Variants in PHF3 observed in about 807,000 individuals in gnomAD.
The protein encoded by PHF3 is PHD finger protein 3.
In PHF3, 41 loss-of-function variants were observed where a neutral mutation model predicts 178.4. The ratio of observed to expected loss-of-function variants is 0.23; its 90% confidence interval spans 0.18 to 0.30. The LOEUF is 0.30. PHF3 is among the 10% of genes least tolerant of loss of function. PHF3 has a pLI of 1.00. For synonymous variants in PHF3, 842 were observed against 800.5 expected, an observed-to-expected ratio of 1.05 and a Z score of -0.88; for missense variants, 2,346 against 2,398.1, an observed-to-expected ratio of 0.98 and a Z score of 0.45.
intron 2 of PHF3, among the ~76,000 whole-genome samples, chr6:63,679,187 C>T (rs1286057714): frequency 6.6e-6 from 1 of 151,234 alleles, no homozygotes. Context: ...AGATTTCATA[C>T]AACTGCACAT....
chr6:63,713,527 G>A lies in PHF3; in HGVS notation c.5939G>A (p.Gly1980Glu), dbSNP rs1484530391. Residue 1980 changes from glycine to glutamate, a missense_variant, in exon 16 of 16, where the codon GGA becomes GAA. By Grantham distance (98) the Gly-to-Glu change is moderately conservative. Transcript: ENST00000262043. ...ERARLSHGDR[G>E]TDGKASRDSR... ...GCACGGTTATCACATGGTGATCGAG[G>A]AACAGATGGAAAAGCAAGCAGAGAT... The A allele has an allele frequency of 3.1e-6, 5 of 1,613,620 alleles. No homozygotes were observed. Among genetic ancestry groups the A allele is most frequent in the Non-Finnish European group, 4.2e-6 (5 of 1,179,878 alleles).
chr6:63,697,394 TAAA>T (rs1323901967), intron 6 of PHF3, among the ~76,000 whole-genome samples: 1 of 152,170 alleles, frequency 6.6e-6, no homozygotes. Flanking sequence ...ATAGATATCT[TAAA>T]AAGTGGGAGA....
At chr6:63,692,123 CTT>C in intron 5 of PHF3, 80 bp downstream of exon 5, 1 of 996,696 alleles carries the variant, frequency 1.0e-6, no homozygotes, top group Non-Finnish European at 1.4e-6. Context: ...TGAAATTTCT[CTT>C]TAGAAGTTTT....
At position 63,711,640 on chromosome 6, in the gene PHF3, T is replaced by C. The variant is rs1417979057; in HGVS notation, c.4052T>C (p.Leu1351Pro). 1 of 1,604,628 alleles carries C rather than the reference T, an allele frequency of 6.2e-7. No individual in the cohort carries two copies. Among genetic ancestry groups the C allele is most frequent in the African/African-American group, 1.3e-5 (1 of 74,192 alleles). ...LLLGLIIRQK[L>P]KRQHSACAST... ...TTGGGCTTAATTATTCGTCAGAAAC[T>C]GAAGCGACAGCACAGTGCCTGTGCT... Residue 1351 changes from leucine to proline, a missense_variant, in exon 16 of 16, where the codon CTG (leucine) becomes CCG (proline). Physicochemically the swap from Leu to Pro is moderately conservative, Grantham distance 98 (BLOSUM62 -3). Around this residue, in one of 8 missense-constraint regions of PHF3, gnomAD observed 90 missense variants for 136.6 expected, o/e 0.66. Coordinates refer to ENST00000262043, the MANE Select transcript of PHF3 (RefSeq NM_001370348.2).
At chr6:63,675,953 C>T (rs141858968) in intron 2 of PHF3, among the ~76,000 whole-genome samples, 5 of 152,292 alleles carry the variant, frequency 3.3e-5, no homozygotes, top group Non-Finnish European at 7.4e-5. Flanking sequence ...CTCCTTTATT[C>T]GTTCTTTGTG....
chr6:63,701,820 C>T (rs546003935), intron 9 of PHF3, among the ~76,000 whole-genome samples: 102 of 152,226 alleles, frequency 6.7e-4, no homozygotes, highest in African/African-American at 2.4e-3. Flanking sequence ...AAACTGGCTG[C>T]GAGTAACATC....
At position 63,635,961 on chromosome 6, in the gene PHF3, C is replaced by T. The variant is rs752029181; in HGVS notation, c.-215C>T. 21 of 397,994 alleles carry T rather than the reference C, an allele frequency of 5.3e-5. No homozygotes were observed. The highest frequency in any genetic ancestry group is 8.9e-5 in the Non-Finnish European group (20 of 225,746). The allele number at this position is 397,994 out of a possible 1,614,324, so 24.7% of individuals were successfully genotyped here. A position where few individuals can be genotyped will look rare whatever the true frequency, so the allele number is the denominator to read the frequency against. ...GAGGATTAGGAGGGCGGCGCGGAAG[C>T]CAAGAATAGTGTCGTCAGCAGCAGC... On this transcript the variant is annotated 5_prime_UTR_variant, in exon 1 of 16. Transcript: ENST00000262043.
chr6:63,683,468 T>G (rs1423554350), intron 3 of PHF3, among the ~76,000 whole-genome samples: 1 of 152,146 alleles, frequency 6.6e-6, no homozygotes, highest in Non-Finnish European at 1.5e-5. Context: ...ATTTTCATAC[T>G]TTCCTTATGA....
At chr6:63,682,423 T>C (rs1429187867) in intron 3 of PHF3, among the ~76,000 whole-genome samples, 1 of 152,142 alleles carries the variant, frequency 6.6e-6, no homozygotes, top group Non-Finnish European at 1.5e-5. Flanking sequence ...AATCATCTCT[T>C]GTTTGGTTTC....
At chr6:63,702,265 T>C (rs1054466763) in intron 9 of PHF3, 15 of 217,356 alleles carry the variant, frequency 6.9e-5, no homozygotes, top group East Asian at 3.5e-4. Context: ...CCTCCTGATA[T>C]AAATGTACAT....
intron 12 of PHF3, among the ~76,000 whole-genome samples, chr6:63,706,475 G>A (rs1767697500): frequency 6.6e-6 from 1 of 152,124 alleles, no homozygotes; most frequent in Admixed American, 6.5e-5. Flanking sequence ...CCAAAAGTCA[G>A]GGATAGATTA....
intron 8 of PHF3, 150 bp from the exon 9 acceptor site, chr6:63,700,200 G>A (rs930920116): frequency 1.1e-5 from 5 of 452,304 alleles, no homozygotes; most frequent in Admixed American, 3.9e-5. Flanking sequence ...ACACAAAGCT[G>A]TCATTTAATC....
Position 63,721,299 on chromosome 6 carries a change from T to C in PHF3, c.*7591T>C. ...ATTATTCAAACAGGACACAGACTGG[T>C]TACATGTATTTCCAGCCCAATCTGG... On this transcript the variant is annotated 3_prime_UTR_variant, in exon 16 of 16. Transcript: ENST00000262043. The C allele has an allele frequency of 1.9e-6, 3 of 1,551,948 alleles. No individual in the cohort carries two copies. The highest frequency in any genetic ancestry group is 1.2e-5 in the South Asian group (1 of 84,060).
rs1766358098 is a variant in PHF3, at chr6:63,680,018, T to C, written c.263T>C (p.Ile88Thr). The C allele has an allele frequency of 1.2e-6, 2 of 1,610,822 alleles. No individual in the cohort carries two copies. Among genetic ancestry groups the C allele is most frequent in the Non-Finnish European group, 8.5e-7 (1 of 1,178,562 alleles). The change falls in exon 3 of 16, where the codon ATT becomes ACT. Residue 88 changes from isoleucine (I) to threonine (T), a missense_variant. Coordinates refer to ENST00000262043, the MANE Select transcript of PHF3 (RefSeq NM_001370348.2). Reference sequence around the variant, plus strand: ...TTTCTAGTTGTTGGTCTTGACGATATTATGGATGAAGGAGTTGTTAAAGAA... The same window carrying C: ...TTTCTAGTTGTTGGTCTTGACGATACTATGGATGAAGGAGTTGTTAAAGAA... Reference protein sequence around the residue: ...PCSTVVGLDDIMDEGVVKESG... With the variant: ...PCSTVVGLDDTMDEGVVKESG...
In PHF3 at chr6:63,712,685, A is replaced by G; in HGVS notation, c.5097A>G (p.Glu1699=). The G allele has an allele frequency of 2.5e-6, 4 of 1,613,962 alleles. No individual in the cohort carries two copies. Among genetic ancestry groups the G allele is most frequent in the Non-Finnish European group, 3.4e-6 (4 of 1,179,948 alleles). ...EHLTEQINVE[E]KLCSAEKNSC... is the part of the protein sequence containing the mutation. ...TAACAGAACAAATCAATGTAGAGGA[A>G]AAGTTGTGTTCTGCAGAGAAAAACT... Residue 1699 remains glutamate, a synonymous_variant, in exon 16 of 16, where the codon GAA becomes GAG. Coordinates refer to ENST00000262043, the MANE Select transcript of PHF3 (RefSeq NM_001370348.2).
intron 12 of PHF3, 123 bp downstream of exon 12, chr6:63,706,347 C>A: frequency 6.0e-6 from 4 of 669,236 alleles, no homozygotes; most frequent in African/African-American, 5.4e-5. Flanking sequence ...AATAACTGTA[C>A]TTTCCTGTAC....
intron 8 of PHF3, 91 bp downstream of exon 8, chr6:63,698,696 A>T (rs1313358498): frequency 2.3e-6 from 2 of 878,488 alleles, no homozygotes; most frequent in Admixed American, 6.1e-5. Flanking sequence ...ATAATTTATT[A>T]ATTGGAGTGA....
chr6:63,678,241 A>AG (rs1183525200), intron 2 of PHF3, among the ~76,000 whole-genome samples: 4 of 151,788 alleles, frequency 2.6e-5, no homozygotes, highest in Non-Finnish European at 5.9e-5. Flanking sequence ...AGAAAAAAAA[A>AG]CAAAAAACAA....
chr6:63,698,485 G>T lies in PHF3; in HGVS notation c.2862G>T (p.Lys954Asn), dbSNP rs200731054. The T allele has an allele frequency of 1.3e-4, 205 of 1,601,466 alleles. 1 individual carries two copies. The highest frequency in any genetic ancestry group is 2.4e-5 in the Non-Finnish European group (28 of 1,175,882). ...CAAATTTGAAGGTACCAGAGGAAAA[G>T]GCAGCAAAAGTTGCCACAAAAATTG... ...TDSNLKVPEE[K>N]AAKVATKIEK... The change falls in exon 8 of 16, where the codon AAG becomes AAT. Residue 954 changes from lysine (K) to asparagine (N), a missense_variant. This residue lies in a region of PHF3 where 252 missense variants were observed against 232.0 expected (regional missense o/e 1.09). Transcript: ENST00000262043.
Sources: allele counts gnomAD v4.1 joint callset (sites outside exome capture counted in the v4.1 genomes callset), GRCh38; gene constraint gnomAD v4.1.1; regional missense constraint gnomAD v4.1.1; transcripts MANE v1.5; gene names NCBI Gene and HGNC (gene_info 2026-07-23, HGNC 2026-07-21).